The following CFB variants were observed in gnomAD, a reference collection of about 807,000 sequenced individuals.
CFB encodes B-factor, properdin.
A neutral mutation model predicts 97.2 loss-of-function variants in CFB; 59 were observed. That is an observed-to-expected ratio of 0.61 (90% CI 0.49 to 0.75). CFB has a LOEUF of 0.75. Ranked by LOEUF, CFB falls within the 30% of genes least tolerant of loss-of-function variation. The probability of loss-of-function intolerance (pLI) is 0.00; values close to 1 mark genes in which losing one functional copy is unlikely to be tolerated. For synonymous variants in CFB, 316 were observed against 351.7 expected (o/e 0.90, Z 1.14); for missense variants, 771 against 959.8 (o/e 0.80, Z 2.60).
Position 31,948,857 on chromosome 6 carries a change from C to T in CFB, c.1064C>T (p.Thr355Ile). The stretch of plus-strand genomic sequence containing the variant: ...CACAAGTTGAAGTCAGGGACTAACA[C>T]CAAGAAGGCCCTCCAGGCAGTGTAC... ...EDHKLKSGTN[T>I]KKALQAVYSM... Residue 355 changes from threonine (T) to isoleucine (I), a missense_variant, in exon 8 of 18, where the codon ACC becomes ATC. Physicochemically the swap from Thr to Ile is moderately conservative, Grantham distance 89. Coordinates refer to ENST00000425368, the MANE Select transcript of CFB (RefSeq NM_001710.6). 6.2e-7 allele frequency: 1 copy of T among 1,613,008 alleles called. No homozygotes were observed.
chr6:31,946,784 A>T lies in CFB; in HGVS notation c.298+178A>T, dbSNP rs1218650164. ...AAAGCGGAGTTAACCCTTACTAAGC[A>T]TTTACCCTGGGCTTCCAGGCAGCCC... is the stretch of plus-strand genomic sequence containing the variant. On this transcript the variant is annotated intron_variant, in intron 2 of 17. Transcript: ENST00000425368. The surrounding 1 kb of genome is among the most constrained non-coding windows in gnomAD (Gnocchi z 6.4). 8.8e-6 allele frequency: 7 copies of T among 793,324 alleles called. No homozygotes were observed. Among genetic ancestry groups the T allele is most frequent in the Non-Finnish European group, 1.3e-5 (6 of 470,634 alleles). 49.1% of individuals were successfully genotyped at this position (793,324 alleles called of 1,614,324 possible).
rs1040103743 is a variant in CFB at position 31,951,114 on chromosome 6, C to A, written c.1856-30C>A. ...AATGGGGAGATGACAGTGGTGGGAGCAGCTGAAGTGACGCAGTCTATTCGT... is the reference window on the plus strand; with the variant it reads ...AATGGGGAGATGACAGTGGTGGGAGAAGCTGAAGTGACGCAGTCTATTCGT... On this transcript the variant is annotated intron_variant, in intron 14 of 17. Transcript: ENST00000425368. This position sits in a 1 kb window ranked among gnomAD's most constrained non-coding sequence, Gnocchi z 4.3. The A allele has an allele frequency of 6.2e-7, 1 of 1,605,686 alleles. No individual in the cohort carries two copies. Among genetic ancestry groups the A allele is most frequent in the African/African-American group, 1.3e-5 (1 of 74,752 alleles).
In CFB at chr6:31,950,116, A is replaced by G. The variant is rs940046914; in HGVS notation, c.1475A>G (p.Lys492Arg). 1 of 1,613,086 alleles carries G rather than the reference A, an allele frequency of 6.2e-7. No individual in the cohort carries two copies. Among genetic ancestry groups the G allele is most frequent in the Non-Finnish European group, 8.5e-7 (1 of 1,180,036 alleles). Residue 492 changes from lysine (K) to arginine (R), a missense_variant, in exon 11 of 18, where the codon AAG becomes AGG. Coordinates refer to ENST00000425368, the MANE Select transcript of CFB (RefSeq NM_001710.6). ...CACAGGAAGGGTACCGATTACCACA[A>G]GCAACCATGGCAGGCCAAGATCTCA... ...WEHRKGTDYH[K>R]QPWQAKISVI...
Position 31,947,484 on chromosome 6 carries a change from A to C in CFB, c.621A>C (p.Glu207Asp). 6 of 1,613,002 alleles carry C rather than the reference A, an allele frequency of 3.7e-6. No homozygotes were observed. The highest frequency in any genetic ancestry group is 5.1e-6 in the Non-Finnish European group (6 of 1,180,014). Residue 207 changes from glutamate (E) to aspartate (D), a missense_variant, in exon 4 of 18, where the codon GAA becomes GAC. Glu to Asp is a conservative substitution (Grantham distance 45). Transcript: ENST00000425368. The surrounding 1 kb of genome is among the most constrained non-coding windows in gnomAD (Gnocchi z 5.3). ...LRGSQRRTCQEGGSWSGTEPS... is the reference protein window; with the variant it reads ...LRGSQRRTCQDGGSWSGTEPS... ...GCTCCCAGCGGCGAACGTGTCAGGA[A>C]GGTGGCTCTTGGAGCGGGACGGAGC... is the stretch of plus-strand genomic sequence containing the variant.
chr6:31,949,083 G>C, intron 8 of CFB, 122 bp downstream of exon 8: 1 of 1,487,368 alleles, frequency 6.7e-7, no homozygotes, highest in East Asian at 2.3e-5. Context: ...ATAGCTGGCT[G>C]TTCATCTCTC....
At chr6:31,948,615 T>C in intron 7 of CFB, 103 bp downstream of exon 7, 1 of 1,570,592 alleles carries the variant, frequency 6.4e-7, no homozygotes, top group South Asian at 1.1e-5. Flanking sequence ...GACCACTTTG[T>C]AGTCAAAAGT....
At position 31,950,852 on chromosome 6, in the gene CFB, T is replaced by A; in HGVS notation, c.1779-16T>A. On this transcript the variant is annotated splice_polypyrimidine_tract_variant and intron_variant, in intron 13 of 17. Transcript: ENST00000425368. ...GAGGAGCAGGCCTGGTTTGCTGTTC[T>A]CCTTGTCCTTTATAGGCCCATTTGT... 6.2e-7 allele frequency: 1 copy of A among 1,613,024 alleles called. No individual in the cohort carries two copies. The highest frequency in any genetic ancestry group is 8.5e-7 in the Non-Finnish European group (1 of 1,179,996).
At position 31,946,420 on chromosome 6, in the gene CFB, T is replaced by C. The variant is rs1771425208; in HGVS notation, c.112T>C (p.Ser38Pro). Reference protein sequence around the residue: ...WSLARPQGSCSLEGVEIKGGS... With the variant: ...WSLARPQGSCPLEGVEIKGGS... Reference sequence around the variant, plus strand: ...TTTGGCCCGGCCCCAGGGATCCTGCTCTCTGGAGGGGGTAGAGATCAAAGG... The same window carrying C: ...TTTGGCCCGGCCCCAGGGATCCTGCCCTCTGGAGGGGGTAGAGATCAAAGG... Residue 38 changes from serine (S) to proline (P), a missense_variant, in exon 2 of 18, where the codon TCT (serine) becomes CCT (proline). By Grantham distance (74) the Ser-to-Pro change is moderately conservative (BLOSUM62 -1). Coordinates refer to ENST00000425368, the MANE Select transcript of CFB (RefSeq NM_001710.6). The surrounding 1 kb of genome is among the most constrained non-coding windows in gnomAD (Gnocchi z 6.4). The C allele has an allele frequency of 6.2e-7, 1 of 1,613,038 alleles. No homozygotes were observed. Among genetic ancestry groups the C allele is most frequent in the Non-Finnish European group, 8.5e-7 (1 of 1,180,016 alleles).
Position 31,947,370 on chromosome 6 carries a change from C to A in CFB, c.507C>A (p.Gly169=). The A allele has an allele frequency of 1.2e-6, 2 of 1,613,038 alleles. No homozygotes were observed. The highest frequency in any genetic ancestry group is 1.7e-6 in the Non-Finnish European group (2 of 1,180,014). ...DNGAGYCSNP[G]IPIGTRKVGS... is the part of the protein sequence containing the mutation. The stretch of plus-strand genomic sequence containing the variant: ...CAGCGGGGTACTGCTCCAACCCGGG[C>A]ATCCCCATTGGCACAAGGAAGGTGG... Residue 169 remains glycine (G), a synonymous_variant, in exon 4 of 18, where the codon GGC becomes GGA. Transcript: ENST00000425368. The surrounding 1 kb of genome is among the most constrained non-coding windows in gnomAD (Gnocchi z 5.3).
chr6:31,949,060 C>G, intron 8 of CFB, 99 bp downstream of exon 8: 1 of 1,551,962 alleles, frequency 6.4e-7, no homozygotes, highest in Admixed American at 1.7e-5. Flanking sequence ...GGTTGGGGCC[C>G]TGAATGTGAC....
At position 31,947,568 on chromosome 6, in the gene CFB, T is replaced by G; in HGVS notation, c.658+47T>G. ...CAGGTCAGATCCTGGTCTTCCATCC[T>G]ACTGTCTTCTCTCCCCACCTCAACC... On this transcript the variant is annotated intron_variant, in intron 4 of 17. Coordinates refer to ENST00000425368, the MANE Select transcript of CFB (RefSeq NM_001710.6). The surrounding 1 kb of genome is among the most constrained non-coding windows in gnomAD (Gnocchi z 5.3). 1.2e-6 allele frequency: 2 copies of G among 1,610,078 alleles called. No individual in the cohort carries two copies. The highest frequency in any genetic ancestry group is 1.7e-6 in the Non-Finnish European group (2 of 1,177,652).
chr6:31,946,723 G>A lies in CFB; in HGVS notation c.298+117G>A. On this transcript the variant is annotated intron_variant, in intron 2 of 17. Coordinates refer to ENST00000425368, the MANE Select transcript of CFB (RefSeq NM_001710.6). This position sits in a 1 kb window ranked among gnomAD's most constrained non-coding sequence, Gnocchi z 6.4. ...CAAGGTGGGCTGACCGGGAGTAGGA[G>A]CAGTTTTAGGGTGGCAGGCGGAAAG... 1 of 1,015,296 alleles carries A rather than the reference G, an allele frequency of 9.8e-7. No individual in the cohort carries two copies. 62.9% of individuals were successfully genotyped at this position (1,015,296 alleles called of 1,614,324 possible). A position where few individuals can be genotyped will look rare whatever the true frequency, so the allele number is the denominator to read the frequency against.
rs373768934 is a variant in CFB, at chr6:31,948,057, G to C, written c.873G>C (p.Lys291Asn). 5 of 1,614,184 alleles carry C rather than the reference G, an allele frequency of 3.1e-6. No individual in the cohort carries two copies. In the African/African-American group the frequency reaches 5.3e-5, roughly 17 times the overall value. Residue 291 changes from lysine (K) to asparagine (N), a missense_variant, in exon 6 of 18, where the codon AAG (lysine) becomes AAC (asparagine). Physicochemically the swap from Lys to Asn is moderately conservative, Grantham distance 94. Transcript: ENST00000425368. ...CCAGCAACTTCACAGGAGCCAAAAA[G>C]TGTCTAGTCAACTTAATTGAGAAGG... ...IGASNFTGAK[K>N]CLVNLIEKVA...
rs767304240 is a variant in CFB, at chr6:31,946,713, G to A, written c.298+107G>A. The A allele has an allele frequency of 1.5e-5, 16 of 1,089,840 alleles. No homozygotes were observed. Among genetic ancestry groups the A allele is most frequent in the Middle Eastern group, 2.1e-4 (1 of 4,834 alleles). The allele number at this position is 1,089,840 out of a possible 1,614,324, so 67.5% of individuals were successfully genotyped here. A position where few individuals can be genotyped will look rare whatever the true frequency, so the allele number is the denominator to read the frequency against. Reference sequence around the variant, plus strand: ...GGCAGGGTGACAAGGTGGGCTGACCGGGAGTAGGAGCAGTTTTAGGGTGGC... The same window carrying A: ...GGCAGGGTGACAAGGTGGGCTGACCAGGAGTAGGAGCAGTTTTAGGGTGGC... On this transcript the variant is annotated intron_variant, in intron 2 of 17. Coordinates refer to ENST00000425368, the MANE Select transcript of CFB (RefSeq NM_001710.6). This position sits in a 1 kb window ranked among gnomAD's most constrained non-coding sequence, Gnocchi z 6.4.
chr6:31,949,294 A>C lies in CFB; in HGVS notation c.1220A>C (p.Asp407Ala), dbSNP rs1182639116. 9.3e-6 allele frequency: 15 copies of C among 1,614,026 alleles called. No homozygotes were observed. The highest frequency in any genetic ancestry group is 1.3e-5 in the Non-Finnish European group (15 of 1,180,042). The change falls in exon 9 of 18, where the codon GAC becomes GCC. Residue 407 changes from aspartate to alanine, a missense_variant. Asp to Ala is a moderately radical substitution (Grantham distance 126). Coordinates refer to ENST00000425368, the MANE Select transcript of CFB (RefSeq NM_001710.6). ...DPITVIDEIR[D>A]LLYIGKDRKN... The stretch of plus-strand genomic sequence containing the variant: ...ATTACTGTCATTGATGAGATCCGGG[A>C]CTTGCTATACATTGGCAAGGATCGC...
chr6:31,949,437 G>A lies in CFB; in HGVS notation c.1288G>A (p.Val430Ile), dbSNP rs766793379. ...EDYLDVYVFG[V>I]GPLVNQVNIN... ...TCCCTCAGATGTCTATGTGTTTGGG[G>A]TCGGGCCTTTGGTGAACCAAGTGAA... Residue 430 changes from valine to isoleucine, a missense_variant, in exon 10 of 18, where the codon GTC becomes ATC. Val to Ile is a conservative substitution (Grantham distance 29). Transcript: ENST00000425368. The A allele has an allele frequency of 1.2e-6, 2 of 1,614,186 alleles. No homozygotes were observed. The highest frequency in any genetic ancestry group is 1.7e-5 in the Admixed American group (1 of 60,026).
rs1366601451 is a variant in CFB at position 31,951,318 on chromosome 6, C to T, written c.1957-23C>T. 2 of 1,614,092 alleles carry T rather than the reference C, an allele frequency of 1.2e-6. No homozygotes were observed. The highest frequency in any genetic ancestry group is 1.1e-5 in the South Asian group (1 of 91,086). ...AAGCCACTTCTGTTCATTACTTCTC[C>T]ATGCTTCCCACCTCCCCTACAGAAA... On this transcript the variant is annotated intron_variant, in intron 15 of 17. Coordinates refer to ENST00000425368, the MANE Select transcript of CFB (RefSeq NM_001710.6). The surrounding 1 kb of genome is among the most constrained non-coding windows in gnomAD (Gnocchi z 4.3).
In CFB at chr6:31,947,015, T is replaced by C; in HGVS notation, c.307T>C (p.Cys103Arg). Residue 103 changes from cysteine to arginine, a missense_variant, in exon 3 of 18, where the codon TGT becomes CGT. Transcript: ENST00000425368. The surrounding 1 kb of genome is among the most constrained non-coding windows in gnomAD (Gnocchi z 5.3). ...GTCCCCCCTTCTCAAAGCAATCCAC[T>C]GTCCAAGACCACACGACTTCGAGAA... ...VRKAECRAIH[C>R]PRPHDFENGE... 1 of 1,612,970 alleles carries C rather than the reference T, an allele frequency of 6.2e-7. No individual in the cohort carries two copies. The highest frequency in any genetic ancestry group is 8.5e-7 in the Non-Finnish European group (1 of 1,180,012).
chr6:31,949,907 C>G, intron 10 of CFB, 143 bp from the exon 11 acceptor site: 1 of 835,086 alleles, frequency 1.2e-6, no homozygotes, highest in South Asian at 1.4e-5. Flanking sequence ...TAGCAGTTTT[C>G]TCCTAACACG....
Sources: allele counts gnomAD v4.1 joint callset, GRCh38; gene constraint gnomAD v4.1.1; non-coding constraint Gnocchi (gnomAD v3.1); transcripts MANE v1.5; gene names NCBI Gene and HGNC (gene_info 2026-07-23, HGNC 2026-07-21).